P2RX5: variants seen among roughly 807,000 people sequenced by gnomAD.
The protein encoded by P2RX5 is purinergic receptor P2X 5.
Under a neutral mutation model 54.1 loss-of-function variants are expected in P2RX5, and 46 were observed. The ratio of observed to expected loss-of-function variants is 0.85; its 90% CI spans 0.67 to 1.09. P2RX5 has a LOEUF of 1.09. P2RX5 is among the 50% of genes least tolerant of loss of function. P2RX5 has a pLI of 0.00. For missense variants in P2RX5, 566 were observed against 549.8 expected (o/e 1.03, Z -0.29); for synonymous variants, 226 against 226.4 (o/e 1.00, Z 0.02).
At chr17:3,677,608 G>A (rs2050134342) in intron 11 of P2RX5, 2 of 985,410 alleles carry the variant, frequency 2.0e-6, no homozygotes, top group South Asian at 9.4e-5. Context: ...CTAGAGGAAG[G>A]CCAGCTGGAG....
At chr17:3,694,602 A>G (rs574504922) in intron 1 of P2RX5, among the ~76,000 whole-genome samples, 6 of 152,344 alleles carry the variant, frequency 3.9e-5, no homozygotes, top group African/African-American at 1.4e-4. Flanking sequence ...CTGCAAGCCA[A>G]GGAGAGAGCC....
chr17:3,716,750 T>C, the P2RX5 span: 1 of 1,611,814 alleles, frequency 6.2e-7, no homozygotes, highest in South Asian at 1.1e-5. Flanking sequence ...CCTTTAATGA[T>C]GATAGGCAAA....
chr17:3,689,528 G>T lies in P2RX5; in HGVS notation c.717C>A (p.Arg239=), dbSNP rs1157373554. 2 of 1,614,186 alleles carry T rather than the reference G, an allele frequency of 1.2e-6. No individual in the cohort carries two copies. The highest frequency in any genetic ancestry group is 1.7e-6 in the Non-Finnish European group (2 of 1,180,024). ...CPIFRLGSVI[R]WAGSDFQDIA... is the part of the protein sequence containing the mutation. ...TATCCTGGAAGTCGCTCCCGGCCCAGCGGATCACGGAGCCCAGTCGGAAGA... is the reference window on the plus strand; with the variant it reads ...TATCCTGGAAGTCGCTCCCGGCCCATCGGATCACGGAGCCCAGTCGGAAGA... The change falls in exon 7 of 12, where the codon CGC becomes CGA. Residue 239 remains arginine, a synonymous_variant. Transcript: ENST00000225328.
At chr17:3,694,502 GGCC>G (rs1305987849) in intron 1 of P2RX5, among the ~76,000 whole-genome samples, 3 of 152,072 alleles carry the variant, frequency 2.0e-5, no homozygotes, top group Admixed American at 1.3e-4. Flanking sequence ...CACAGCGCCC[GGCC>G]GCCAATTTCC....
At chr17:3,710,214 G>A in the P2RX5 span, among the ~76,000 whole-genome samples, 2 of 151,970 alleles carry the variant, frequency 1.3e-5, no homozygotes, top group South Asian at 2.1e-4. Context: ...ATCACTTGAA[G>A]TCGGGAGTTC....
In P2RX5 at chr17:3,691,667, C is replaced by T. The variant is rs766816990; in HGVS notation, c.265G>A (p.Ala89Thr). The change falls in exon 2 of 12, where the codon GCC becomes ACC. Residue 89 changes from alanine to threonine, a missense_variant. Physicochemically the swap from Ala to Thr is moderately conservative, Grantham distance 58. Coordinates refer to ENST00000225328, the MANE Select transcript of P2RX5 (RefSeq NM_002561.4). ...ACCTGGGCTGGAATGACGTAGTCGG[C>T]GACATCCCAGATCCGCTGCCCAAGA... ...SDLGQRIWDV[A>T]DYVIPAQGEN... 5.0e-6 allele frequency: 8 copies of T among 1,614,188 alleles called. No individual in the cohort carries two copies. Among genetic ancestry groups the T allele is most frequent in the East Asian group, 2.2e-5 (1 of 44,884 alleles).
At chr17:3,719,993 T>C in the P2RX5 span, among the ~76,000 whole-genome samples, 1 of 152,346 alleles carries the variant, frequency 6.6e-6, no homozygotes, top group East Asian at 1.9e-4. Context: ...CCCAAAGTGC[T>C]AGGATTACAG....
chr17:3,692,576 T>C (rs1342952422), intron 1 of P2RX5, among the ~76,000 whole-genome samples: 1 of 151,868 alleles, frequency 6.6e-6, no homozygotes, highest in Non-Finnish European at 1.5e-5. Flanking sequence ...GCACGGTGGC[T>C]CGCGCCTGTA....
chr17:3,699,199 C>T (rs1179604431), upstream of P2RX5, among the ~76,000 whole-genome samples: 1 of 151,984 alleles, frequency 6.6e-6, no homozygotes, highest in African/African-American at 2.4e-5. Flanking sequence ...AGTTCAAGAC[C>T]AGCCTGGGCA....
At position 3,696,065 on chromosome 17, in the gene P2RX5, C is replaced by T. The variant is rs909051847; in HGVS notation, c.-60G>A. 1.9e-6 allele frequency: 3 copies of T among 1,565,056 alleles called. No homozygotes were observed. Among genetic ancestry groups the T allele is most frequent in the African/African-American group, 1.4e-5 (1 of 73,022 alleles). On this transcript the variant is annotated 5_prime_UTR_variant, in exon 1 of 12. Transcript: ENST00000225328. ...CCCACGTGCGCTCATGGGGAGCACTCGGTCCCTCGGTCCCTGCGCGCCCGG... is the reference window on the plus strand; with the variant it reads ...CCCACGTGCGCTCATGGGGAGCACTTGGTCCCTCGGTCCCTGCGCGCCCGG...
the P2RX5 span, chr17:3,717,570 G>A: frequency 3.7e-3 from 561 of 152,342 alleles, 3 homozygotes; most frequent in African/African-American, 0.013. Flanking sequence ...CCAGGACTTA[G>A]GTGGGGCCAG....
chr17:3,678,399 C>A (rs2050152209), intron 11 of P2RX5, among the ~76,000 whole-genome samples: 1 of 152,248 alleles, frequency 6.6e-6, no homozygotes, highest in Non-Finnish European at 1.5e-5. Flanking sequence ...CAGCCTCCCA[C>A]AAGCCTCAGC....
chr17:3,691,130 T>G, intron 2 of P2RX5, 103 bp from the exon 3 acceptor site: 1 of 810,326 alleles, frequency 1.2e-6, no homozygotes, highest in Non-Finnish European at 2.1e-6. Flanking sequence ...GCCTGGGTTT[T>G]GGGGATAATG....
At chr17:3,719,917 G>A in the P2RX5 span, among the ~76,000 whole-genome samples, 1 of 152,060 alleles carries the variant, frequency 6.6e-6, no homozygotes, top group African/African-American at 2.4e-5. Flanking sequence ...TGGTAGACAG[G>A]GTTTCTCCAT....
At chr17:3,678,952 G>A (rs2050164077) in intron 11 of P2RX5, among the ~76,000 whole-genome samples, 1 of 152,214 alleles carries the variant, frequency 6.6e-6, no homozygotes, top group South Asian at 2.1e-4. Context: ...CTCGTCTGCA[G>A]AGAAGCCAGC....
chr17:3,684,797 C>T (rs933232161), intron 9 of P2RX5, among the ~76,000 whole-genome samples: 1 of 151,386 alleles, frequency 6.6e-6, no homozygotes, highest in Non-Finnish European at 1.5e-5. Context: ...GTCAGCAGCA[C>T]CCAGGCTAAG....
chr17:3,690,212 C>T lies in P2RX5; in HGVS notation c.534-62G>A, dbSNP rs1470747272. 5 of 1,486,810 alleles carry T rather than the reference C, an allele frequency of 3.4e-6. No individual in the cohort carries two copies. The African/African-American group carries it at 4.1e-5, about 12-fold the overall frequency. The allele number at this position is 1,486,810 out of a possible 1,614,324, so 92.1% of individuals were successfully genotyped here. A position where few individuals can be genotyped will look rare whatever the true frequency, so the allele number is the denominator to read the frequency against. ...CCACCCCTGTGCCCCTCCCCCAGGC[C>T]TGGGCCAGTGTGAGGCCTGTTCCTT... On this transcript the variant is annotated intron_variant, in intron 5 of 11. Transcript: ENST00000225328.
chr17:3,703,263 G>A, the P2RX5 span, among the ~76,000 whole-genome samples: 1 of 152,194 alleles, frequency 6.6e-6, no homozygotes, highest in Non-Finnish European at 1.5e-5. Context: ...CCAACACTTT[G>A]GGAGGCTGAG....
the P2RX5 span, among the ~76,000 whole-genome samples, chr17:3,704,659 G>A: frequency 2.0e-5 from 3 of 152,182 alleles, no homozygotes; most frequent in African/African-American, 7.2e-5. Flanking sequence ...CACTGAGACA[G>A]TAAACACTTG....
Sources: gnomAD v4.1 joint callset for allele counts (sites outside exome capture counted in the v4.1 genomes callset) on GRCh38, gnomAD v4.1.1 for gene constraint, MANE v1.5 for transcripts, NCBI Gene and HGNC (gene_info 2026-07-23, HGNC 2026-07-21) for gene names.